Variants in NFIA observed in about 807,000 individuals in gnomAD.
NFIA encodes the protein nuclear factor 1 A-type.
Under a neutral mutation model 62.8 loss-of-function variants are expected in NFIA, and 8 were observed. The observed-to-expected ratio is 0.13, with a 90% confidence interval of 0.07 to 0.23. NFIA has a LOEUF of 0.23. NFIA is among the 10% of genes least tolerant of loss of function. The pLI is 1.00. For missense variants in NFIA, 410 were observed against 642.1 expected (o/e 0.64, Z 3.91); for synonymous variants, 235 against 238.1 (o/e 0.99, Z 0.12).
At chr1:61,270,288 C>G (rs1295536615) in intron 2 of NFIA, among the ~76,000 whole-genome samples, 3 of 152,124 alleles carry the variant, frequency 2.0e-5, no homozygotes, top group Admixed American at 1.3e-4. Context: ...AGTAGTGTCT[C>G]CATTTTACAG....
intron 2 of NFIA, among the ~76,000 whole-genome samples, chr1:61,195,132 CATTA>C (rs1185001164): frequency 1.3e-5 from 2 of 152,128 alleles, no homozygotes; most frequent in Admixed American, 6.5e-5. Context: ...GAAATATTTT[CATTA>C]ATTCTTATTT....
upstream of NFIA, among the ~76,000 whole-genome samples, chr1:61,081,201 G>GC (rs1557549291): frequency 6.6e-6 from 1 of 151,884 alleles, no homozygotes; most frequent in Non-Finnish European, 1.5e-5. Context: ...CTTAGAAGAG[G>GC]CAGGTAGGCT....
upstream of NFIA, chr1:61,081,850 G>A: frequency 6.5e-7 from 1 of 1,531,996 alleles, no homozygotes; most frequent in African/African-American, 1.4e-5. Flanking sequence ...AGAAAGCTTC[G>A]CTGGAGAGAT....
At chr1:61,092,353 A>C (rs1226942723) in intron 2 of NFIA, among the ~76,000 whole-genome samples, 1 of 152,242 alleles carries the variant, frequency 6.6e-6, no homozygotes, top group Non-Finnish European at 1.5e-5. Context: ...TGGCAGCAGT[A>C]TGAGTACTTG....
intron 2 of NFIA, among the ~76,000 whole-genome samples, chr1:61,139,762 A>G (rs565075177): frequency 1.3e-5 from 2 of 152,016 alleles, no homozygotes; most frequent in African/African-American, 4.8e-5. Flanking sequence ...TCTTTAAAAG[A>G]CTATGTCATG....
At chr1:61,240,674 T>C (rs1238480588) in intron 2 of NFIA, among the ~76,000 whole-genome samples, 1 of 152,162 alleles carries the variant, frequency 6.6e-6, no homozygotes, top group East Asian at 1.9e-4. Flanking sequence ...ATTTTCTTTT[T>C]TCATATGTTA....
At chr1:61,342,337 G>A (rs1287424994) in intron 4 of NFIA, among the ~76,000 whole-genome samples, 2 of 151,996 alleles carry the variant, frequency 1.3e-5, no homozygotes, top group African/African-American at 4.8e-5. Flanking sequence ...CCCTTCCCTG[G>A]TTTATAGATC....
intron 2 of NFIA, among the ~76,000 whole-genome samples, chr1:61,207,046 A>G (rs983046336): frequency 3.3e-5 from 5 of 152,206 alleles, no homozygotes; most frequent in South Asian, 2.1e-4. Flanking sequence ...CATTATGACA[A>G]TGAAGAAGGC....
At chr1:61,242,894 G>A (rs1557657555) in intron 2 of NFIA, among the ~76,000 whole-genome samples, 2 of 152,074 alleles carry the variant, frequency 1.3e-5, no homozygotes, top group Non-Finnish European at 1.5e-5. Context: ...TATAGCTTGA[G>A]TTTTGAAAAA....
chr1:61,094,636 C>A (rs904750028), intron 2 of NFIA, among the ~76,000 whole-genome samples: 1 of 152,082 alleles, frequency 6.6e-6, no homozygotes, highest in African/African-American at 2.4e-5. Flanking sequence ...AGAGTATTGT[C>A]AAATTTTTGG....
intron 2 of NFIA, among the ~76,000 whole-genome samples, chr1:61,203,296 C>G (rs1440888423): frequency 2.0e-5 from 3 of 152,114 alleles, no homozygotes; most frequent in African/African-American, 7.2e-5. Flanking sequence ...ATCTTTTGAA[C>G]CTATCAGTAA....
chr1:61,385,104 C>T (rs576685303), intron 7 of NFIA, among the ~76,000 whole-genome samples: 2 of 128,408 alleles, frequency 1.6e-5, no homozygotes, highest in South Asian at 4.7e-4. Flanking sequence ...GGTGTGGTGG[C>T]ACATGCCTGT....
chr1:61,287,719 T>A (rs960391068), intron 3 of NFIA, among the ~76,000 whole-genome samples: 1 of 152,058 alleles, frequency 6.6e-6, no homozygotes, highest in African/African-American at 2.4e-5. Flanking sequence ...GTGAATAATT[T>A]TTTAGTACTG....
intron 2 of NFIA, among the ~76,000 whole-genome samples, chr1:61,214,141 T>C (rs891295580): frequency 5.3e-5 from 8 of 152,320 alleles, no homozygotes; most frequent in African/African-American, 1.9e-4. Context: ...CGCCTAGGCC[T>C]GAGTGGACAG....
intron 4 of NFIA, among the ~76,000 whole-genome samples, chr1:61,334,535 A>ATGTGTGTGTGTGTGTG (rs35661377): frequency 0.016 from 927 of 58,242 alleles, 64 homozygotes; most frequent in African/African-American, 0.025. Context: ...GTGTGTATAT[A>ATGTGTGTGTGTGTGTG]TGTGTGTGTG....
At chr1:61,352,705 C>G in intron 5 of NFIA, 138 bp downstream of exon 5, 1 of 739,636 alleles carries the variant, frequency 1.4e-6, no homozygotes, top group Non-Finnish European at 2.3e-6. Context: ...CCCCAAAAGA[C>G]TGTCGGTCTC....
intron 6 of NFIA, among the ~76,000 whole-genome samples, chr1:61,379,057 C>A (rs1569682350): frequency 6.6e-6 from 1 of 152,166 alleles, no homozygotes; most frequent in African/African-American, 2.4e-5. Context: ...CTGTAGAAGT[C>A]TTTTGCAATA....
At chr1:61,387,406 C>T (rs1664747788) in intron 7 of NFIA, among the ~76,000 whole-genome samples, 1 of 151,820 alleles carries the variant, frequency 6.6e-6, no homozygotes. Flanking sequence ...AAGTATCATG[C>T]TGTCCCTATT....
At chr1:61,358,710 A>G (rs1663116205) in intron 5 of NFIA, among the ~76,000 whole-genome samples, 1 of 152,100 alleles carries the variant, frequency 6.6e-6, no homozygotes, top group South Asian at 2.1e-4. Flanking sequence ...TTCCTGAAGG[A>G]TCACGAGCCC....
Sources: allele counts gnomAD v4.1 joint callset (sites outside exome capture counted in the v4.1 genomes callset), GRCh38; gene constraint gnomAD v4.1.1; transcripts MANE v1.5; gene names NCBI Gene and HGNC (gene_info 2026-07-23, HGNC 2026-07-21).